The following PRSS12 variants were observed in gnomAD, a reference collection of about 807,000 sequenced individuals.
PRSS12 encodes the protein serine protease 12.
A neutral mutation model predicts 104.4 loss-of-function variants in PRSS12; 85 were observed. The observed-to-expected ratio is 0.81, with a 90% CI of 0.68 to 0.98. PRSS12 has a LOEUF of 0.98. Ranked by LOEUF, PRSS12 falls within the 50% of genes least tolerant of loss-of-function variation. The probability of loss-of-function intolerance (pLI) is 0.00; values close to 1 mark genes in which losing one functional copy is unlikely to be tolerated. For missense variants in PRSS12, 1,141 were observed against 1,139.2 expected (o/e 1.00, Z -0.02); for synonymous variants, 454 against 425.2 (o/e 1.07, Z -0.83).
At position 118,352,780 on chromosome 4, in the gene PRSS12, A is replaced by C. The variant is rs1724559047; in HGVS notation, c.-60T>G. On this transcript the variant is annotated 5_prime_UTR_variant, in exon 1 of 13. Transcript: ENST00000296498. Reference sequence around the variant, plus strand: ...CAGCTTCTCGGGCTTGGAGCGGAGAAGAGGAGGGGGCGGGGGCGGGGCTGC... The same window carrying C: ...CAGCTTCTCGGGCTTGGAGCGGAGACGAGGAGGGGGCGGGGGCGGGGCTGC... The C allele has an allele frequency of 6.0e-6, 9 of 1,489,038 alleles. No homozygotes were observed. Among genetic ancestry groups the C allele is most frequent in the South Asian group, 4.6e-5 (4 of 87,118 alleles). The allele number at this position is 1,489,038 out of a possible 1,614,324, so 92.2% of individuals were successfully genotyped here.
chr4:118,299,760 A>T (rs796645944), intron 8 of PRSS12, among the ~76,000 whole-genome samples: 27 of 47,924 alleles, frequency 5.6e-4, no homozygotes, highest in South Asian at 1.6e-3. Flanking sequence ...TAAAATAAAT[A>T]AAATTAAATA....
intron 2 of PRSS12, among the ~76,000 whole-genome samples, chr4:118,337,790 TTAGAA>T (rs1418051140): frequency 6.6e-6 from 1 of 151,952 alleles, no homozygotes; most frequent in Non-Finnish European, 1.5e-5. Flanking sequence ...TAATTAATAA[TTAGAA>T]TAATTATAAT....
rs80254298 is a variant in PRSS12 at position 118,286,821 on chromosome 4, T to C, written c.2040-3710A>G. Among the ~76,000 whole-genome samples, 608 of 152,260 alleles carry C rather than the reference T, an allele frequency of 4.0e-3. 3 individuals are homozygous for C. Among genetic ancestry groups the C allele is most frequent in the Middle Eastern group, 6.8e-3 (2 of 294 alleles). On this transcript the variant is annotated intron_variant, in intron 11 of 12. Coordinates refer to ENST00000296498, the MANE Select transcript of PRSS12 (RefSeq NM_003619.4). ...ATGGGGTTCAGATCCACCGTCAGAC[T>C]TGGGAACCACTGAACCAAAGACTCA...
intron 4 of PRSS12, among the ~76,000 whole-genome samples, chr4:118,329,350 C>T (rs966424389): frequency 6.6e-6 from 1 of 152,180 alleles, no homozygotes; most frequent in Non-Finnish European, 1.5e-5. Flanking sequence ...TTACCTTAAA[C>T]TTAGAATAAC....
intron 8 of PRSS12, among the ~76,000 whole-genome samples, chr4:118,299,755 T>TTAAATAAAATA (rs1560768300): frequency 3.7e-5 from 3 of 81,348 alleles, no homozygotes; most frequent in African/African-American, 1.4e-4. Flanking sequence ...ATAAATAAAA[T>TTAAATAAAATA]AAATAAAATT....
In PRSS12 at chr4:118,320,464, T is replaced by C. The variant is rs560927824; in HGVS notation, c.972-1908A>G. Among the ~76,000 whole-genome samples, 7 of 152,088 alleles carry C rather than the reference T, an allele frequency of 4.6e-5. No homozygotes were observed. In the South Asian group the frequency reaches 1.5e-3, roughly 32 times the overall value. On this transcript the variant is annotated intron_variant, in intron 4 of 12. Transcript: ENST00000296498. ...AAAGTTAACACCTATTTTAATATCA[T>C]TAGAGGGCCAGACACAGTGGCTCAC...
intron 8 of PRSS12, 122 bp downstream of exon 8, chr4:118,308,314 G>T: frequency 7.6e-7 from 1 of 1,310,240 alleles, no homozygotes; most frequent in Non-Finnish European, 1.1e-6. Context: ...TCAATATGCT[G>T]CCAGTATTTT....
chr4:118,348,634 T>C (rs1289726436), intron 1 of PRSS12, among the ~76,000 whole-genome samples: 5 of 149,790 alleles, frequency 3.3e-5, no homozygotes, highest in Non-Finnish European at 5.9e-5. Context: ...ATTCAGTGTA[T>C]TCCCATAGCC....
At chr4:118,334,911 A>G (rs1237355349) in intron 3 of PRSS12, among the ~76,000 whole-genome samples, 1 of 152,184 alleles carries the variant, frequency 6.6e-6, no homozygotes, top group Non-Finnish European at 1.5e-5. Flanking sequence ...CTCTACTTCC[A>G]TGAATATAAA....
chr4:118,322,208 A>G (rs1251181463), intron 4 of PRSS12, among the ~76,000 whole-genome samples: 1 of 152,206 alleles, frequency 6.6e-6, no homozygotes, highest in African/African-American at 2.4e-5. Flanking sequence ...TTTAAAGATT[A>G]CTTATAGTAG....
In PRSS12 at chr4:118,292,968, T is replaced by C. The variant is rs945717905; in HGVS notation, c.2039+1971A>G. On this transcript the variant is annotated intron_variant, in intron 11 of 12. Coordinates refer to ENST00000296498, the MANE Select transcript of PRSS12 (RefSeq NM_003619.4). ...GGGCAGAGGCTGCAGTAAGCCAAGA[T>C]CGTGCCACTACACTCCAGCTAGGGC... is the stretch of plus-strand genomic sequence containing the variant. Among the ~76,000 whole-genome samples the C allele has an allele frequency of 3.9e-5, 6 of 151,994 alleles. No homozygotes were observed. The East Asian group carries it at 1.2e-3, about 29-fold the overall frequency.
chr4:118,335,315 T>C (rs1259928011), intron 3 of PRSS12, among the ~76,000 whole-genome samples, 158 bp downstream of exon 3: 2 of 152,188 alleles, frequency 1.3e-5, no homozygotes, highest in Non-Finnish European at 2.9e-5. Context: ...ACAGTACTCA[T>C]ATTGAAGACT....
intron 4 of PRSS12, among the ~76,000 whole-genome samples, chr4:118,322,409 G>A (rs1170591928): frequency 6.6e-6 from 1 of 151,972 alleles, no homozygotes; most frequent in Admixed American, 6.6e-5. Flanking sequence ...AATTAGCTAG[G>A]CATGGTGGTG....
intron 2 of PRSS12, among the ~76,000 whole-genome samples, chr4:118,336,303 G>T (rs13144171): frequency 6.6e-6 from 1 of 152,058 alleles, no homozygotes; most frequent in South Asian, 2.1e-4. Flanking sequence ...AAGAAAAAAT[G>T]AAAATAATAG....
intron 5 of PRSS12, among the ~76,000 whole-genome samples, chr4:118,317,797 GT>G (rs1413807939): frequency 6.6e-6 from 1 of 152,134 alleles, no homozygotes; most frequent in Non-Finnish European, 1.5e-5. Context: ...TGATGAGTCA[GT>G]TTCTCTTGCC....
chr4:118,296,023 C>T (rs1009774586), intron 9 of PRSS12, among the ~76,000 whole-genome samples, 167 bp from the exon 10 acceptor site: 6 of 152,176 alleles, frequency 3.9e-5, no homozygotes, highest in African/African-American at 1.4e-4. Flanking sequence ...GACTAAATGA[C>T]AATAATTTGC....
In PRSS12 at chr4:118,336,118, C is replaced by T. The variant is rs190870860; in HGVS notation, c.642-467G>A. 1.0e-3 allele frequency among the ~76,000 whole-genome samples: 152 copies of T among 152,302 alleles called. 1 individual carries two copies. Among genetic ancestry groups the T allele is most frequent in the Non-Finnish European group, 4.1e-4 (28 of 68,028 alleles). On this transcript the variant is annotated intron_variant, in intron 2 of 12. Coordinates refer to ENST00000296498, the MANE Select transcript of PRSS12 (RefSeq NM_003619.4). Reference sequence around the variant, plus strand: ...TTCTTTCTGACTCTAACATTCTAGGCTAGCATTTTCAAAATTATTATTACT... The same window carrying T: ...TTCTTTCTGACTCTAACATTCTAGGTTAGCATTTTCAAAATTATTATTACT...
chr4:118,296,061 CCCA>C (rs1743247603), intron 9 of PRSS12, among the ~76,000 whole-genome samples: 1 of 152,202 alleles, frequency 6.6e-6, no homozygotes, highest in Non-Finnish European at 1.5e-5. Flanking sequence ...TATGAGGTTT[CCCA>C]TTCTTCACCT....
At chr4:118,341,890 T>C (rs531303351) in intron 1 of PRSS12, among the ~76,000 whole-genome samples, 1 of 152,308 alleles carries the variant, frequency 6.6e-6, no homozygotes, top group East Asian at 1.9e-4. Context: ...ACTTCAGATA[T>C]TACTTTATGC....
Sources: gnomAD v4.1 joint callset for allele counts (sites outside exome capture counted in the v4.1 genomes callset) on GRCh38, gnomAD v4.1.1 for gene constraint, MANE v1.5 for transcripts, NCBI Gene and HGNC (gene_info 2026-07-23, HGNC 2026-07-21) for gene names.